Variants in SYTL2 observed in about 807,000 individuals in gnomAD.
SYTL2 encodes the protein synaptotagmin like 2, also known as synaptotagmin-like protein 2.
A neutral mutation model predicts 198.7 loss-of-function variants in SYTL2; 165 were observed. That is an observed-to-expected ratio of 0.83 (90% CI 0.73 to 0.94). The LOEUF (loss-of-function observed/expected upper bound fraction) is 0.94, where lower values mean the gene tolerates loss of function less well. Among genes scored for constraint, SYTL2 ranks in the 40% least tolerant of loss-of-function variants. The pLI is 0.00. For synonymous variants in SYTL2, 966 were observed against 917.7 expected, an observed-to-expected ratio of 1.05 and a Z score of -0.95; for missense variants, 2,835 against 2,582.8, an observed-to-expected ratio of 1.10 and a Z score of -2.12.
chr11:85,731,002 C>G (rs879884166), intron 7 of SYTL2, among the ~76,000 whole-genome samples: 1 of 152,024 alleles, frequency 6.6e-6, no homozygotes, highest in African/African-American at 2.4e-5. Context: ...ACAAAGAGAA[C>G]AAAATACCTA....
chr11:85,789,989 T>C (rs1284121733), intron 1 of SYTL2, among the ~76,000 whole-genome samples: 1 of 152,168 alleles, frequency 6.6e-6, no homozygotes, highest in Admixed American at 6.6e-5. Context: ...ATTTTTGGAT[T>C]TTTTTTCAGA....
the SYTL2 span, among the ~76,000 whole-genome samples, chr11:85,831,085 AAATAAAT>A: frequency 6.6e-6 from 1 of 152,236 alleles, no homozygotes; most frequent in East Asian, 1.9e-4. Flanking sequence ...GGGTGTTAAT[AAATAAAT>A]AATAAAGATT....
intron 1 of SYTL2, among the ~76,000 whole-genome samples, chr11:85,774,982 T>C (rs778925559): frequency 6.7e-6 from 1 of 149,960 alleles, no homozygotes; most frequent in Non-Finnish European, 1.5e-5. Context: ...ATCTCTCAGG[T>C]GCCTTCCTGT....
chr11:85,706,748 A>G (rs1417780611), intron 15 of SYTL2, among the ~76,000 whole-genome samples: 1 of 152,250 alleles, frequency 6.6e-6, no homozygotes, highest in Non-Finnish European at 1.5e-5. Context: ...AGAAAGCAGA[A>G]AAATAGCATA....
intron 16 of SYTL2, among the ~76,000 whole-genome samples, chr11:85,701,476 A>G (rs1023928356): frequency 6.6e-6 from 1 of 152,222 alleles, no homozygotes; most frequent in African/African-American, 2.4e-5. Context: ...CCTGTATAAG[A>G]AACCTGCATA....
chr11:85,793,329 T>G (rs1250627326), intron 1 of SYTL2, among the ~76,000 whole-genome samples: 2 of 152,158 alleles, frequency 1.3e-5, no homozygotes, highest in Admixed American at 6.5e-5. Context: ...TTCTAACTGG[T>G]GTGAGATGGT....
rs2091963314 is a variant in SYTL2, at chr11:85,758,013, T to G, written c.-288A>C. The G allele has an allele frequency of 2.9e-6, 1 of 340,392 alleles. No individual in the cohort carries two copies. The highest frequency in any genetic ancestry group is 3.8e-5 in the Admixed American group (1 of 25,984). The allele number at this position is 340,392 out of a possible 1,614,324, so 21.1% of individuals were successfully genotyped here. A position where few individuals can be genotyped will look rare whatever the true frequency, so the allele number is the denominator to read the frequency against. The stretch of plus-strand genomic sequence containing the variant: ...ACAGGTCGCTTGTTCCTATGGTGGC[T>G]TCCAGCACACTCACTCTCTGGTCCA... On this transcript the variant is annotated 5_prime_UTR_variant, in exon 2 of 20. Transcript: ENST00000359152.
chr11:85,824,933 G>A, the SYTL2 span, among the ~76,000 whole-genome samples: 1 of 152,132 alleles, frequency 6.6e-6, no homozygotes, highest in African/African-American at 2.4e-5. Context: ...TAGGGTTTGG[G>A]ACAAGCCACT....
intron 17 of SYTL2, 86 bp downstream of exon 17, chr11:85,700,429 C>A: frequency 9.7e-7 from 1 of 1,027,820 alleles, no homozygotes; most frequent in East Asian, 2.4e-5. Flanking sequence ...TTCTTTAGGG[C>A]CTCACCTTTG....
At chr11:85,737,252 A>T (rs2090420517) in intron 5 of SYTL2, among the ~76,000 whole-genome samples, 1 of 152,234 alleles carries the variant, frequency 6.6e-6, no homozygotes. Flanking sequence ...ATGCATAGGA[A>T]TATAGGAATA....
chr11:85,743,970 TTGG>T (rs1344430408), intron 4 of SYTL2, among the ~76,000 whole-genome samples: 1 of 152,172 alleles, frequency 6.6e-6, no homozygotes, highest in Non-Finnish European at 1.5e-5. Context: ...TCTCAGCTTC[TTGG>T]TGGTAAATAT....
chr11:85,827,882 G>T, the SYTL2 span, among the ~76,000 whole-genome samples: 1 of 152,168 alleles, frequency 6.6e-6, no homozygotes, highest in Non-Finnish European at 1.5e-5. Context: ...TTTAGCAAAT[G>T]CAAAGTGAAA....
intron 12 of SYTL2, 148 bp from the exon 13 acceptor site, chr11:85,711,380 T>G: frequency 2.5e-6 from 2 of 811,934 alleles, no homozygotes; most frequent in South Asian, 3.6e-5. Flanking sequence ...GGGTATGGGA[T>G]TCAGGATGGA....
Position 85,724,336 on chromosome 11 carries a change from C to T in SYTL2, c.5022G>A (p.Gly1674=). 1 of 1,582,760 alleles carries T rather than the reference C, an allele frequency of 6.3e-7. No homozygotes were observed. Among genetic ancestry groups the T allele is most frequent in the Non-Finnish European group, 8.6e-7 (1 of 1,167,388 alleles). The part of the protein sequence containing the change: ...TPQLYVAHEI[G]TIKTVTPPED... ...CTGGGGGGGTTACAGTTTTAATGGT[C>T]CCTATTTCATGAGCCACATAAAGTT... Residue 1674 remains glycine (G), a synonymous_variant, in exon 8 of 20, where the codon GGG becomes GGA. Coordinates refer to ENST00000359152, the MANE Select transcript of SYTL2 (RefSeq NM_206927.4).
chr11:85,722,685 TTA>T (rs1215541942), intron 8 of SYTL2, among the ~76,000 whole-genome samples: 11 of 151,888 alleles, frequency 7.2e-5, no homozygotes, highest in African/African-American at 2.4e-4. Flanking sequence ...TGCCATTACA[TTA>T]ATTAATTATT....
At chr11:85,846,099 T>C in the SYTL2 span, among the ~76,000 whole-genome samples, 1 of 152,182 alleles carries the variant, frequency 6.6e-6, no homozygotes, top group East Asian at 1.9e-4. Flanking sequence ...TGTTCACATG[T>C]CTGGCACTTT....
At chr11:85,695,423 C>T (rs113014722) in intron 19 of SYTL2, 83 bp from the exon 20 acceptor site, 3 of 1,202,878 alleles carry the variant, frequency 2.5e-6, no homozygotes, top group South Asian at 3.6e-5. Context: ...CTAATTATAA[C>T]CACCAGTGGA....
upstream of SYTL2, among the ~76,000 whole-genome samples, chr11:85,813,270 C>T (rs149165682): frequency 5.7e-4 from 86 of 152,184 alleles, no homozygotes; most frequent in East Asian, 0.016. Flanking sequence ...TCTAATAAGA[C>T]CTTAGACCAA....
intron 2 of SYTL2, among the ~76,000 whole-genome samples, chr11:85,752,920 A>T (rs2091608651): frequency 9.6e-6 from 1 of 104,310 alleles, no homozygotes; most frequent in African/African-American, 6.0e-5. Flanking sequence ...CCTTCATTAA[A>T]AAAAAAAAAA....
Sources: gnomAD v4.1 joint callset for allele counts (sites outside exome capture counted in the v4.1 genomes callset) on GRCh38, gnomAD v4.1.1 for gene constraint, MANE v1.5 for transcripts, NCBI Gene and HGNC (gene_info 2026-07-23, HGNC 2026-07-21) for gene names.